Variants in VPREB3 observed in about 807,000 individuals in gnomAD.
VPREB3 encodes the protein pre-B lymphocyte protein 3.
In VPREB3, 14 loss-of-function variants were observed where a neutral mutation model predicts 12.9. The ratio of observed to expected loss-of-function variants is 1.09; its 90% CI spans 0.72 to 1.70. The LOEUF is 1.70. VPREB3 is among the 40% of genes most tolerant of loss of function. VPREB3 has a pLI of 0.00. For missense variants in VPREB3, 165 were observed against 159.6 expected (o/e 1.03, Z -0.18); for synonymous variants, 78 against 70.1 (o/e 1.11, Z -0.56).
chr22:23,752,952 A>G lies in VPREB3; in HGVS notation c.296T>C (p.Val99Ala). ...AAKDEAHNAC[V>A]LTISPVQPED... is the part of the protein sequence containing the mutation. ...AGGCTGCACGGGACTAATGGTGAGG[A>G]CACAGGCATTGTGGGCCTCATCCTT... The change falls in exon 2 of 2, where the codon GTC becomes GCC. Residue 99 changes from valine (V) to alanine (A), a missense_variant. Val to Ala is a moderately conservative substitution (Grantham distance 64). Transcript: ENST00000248948. The G allele has an allele frequency of 2.5e-6, 4 of 1,614,106 alleles. No homozygotes were observed. The highest frequency in any genetic ancestry group is 3.4e-6 in the Non-Finnish European group (4 of 1,180,006).
chr22:23,754,287 A>T, intron 1 of VPREB3, 28 bp downstream of exon 1: 1 of 1,583,662 alleles, frequency 6.3e-7, no homozygotes. Flanking sequence ...CCCCACACCC[A>T]GGTGACTGAG....
Position 23,752,825 on chromosome 22 carries a change from C to G in VPREB3, c.*51G>C, listed in dbSNP as rs754851714. The G allele has an allele frequency of 3.2e-5, 50 of 1,559,182 alleles. No homozygotes were observed. The highest frequency in any genetic ancestry group is 2.5e-5 in the Non-Finnish European group (29 of 1,144,350). The stretch of plus-strand genomic sequence containing the variant: ...AGAAAGTTTAAAAGGGACCCAAGGT[C>G]AGGGGCAGAAATGGGAGGCAGAGGG... On this transcript the variant is annotated 3_prime_UTR_variant, in exon 2 of 2. Transcript: ENST00000248948.
chr22:23,752,935 C>G lies in VPREB3; in HGVS notation c.313G>C (p.Val105Leu), dbSNP rs141816057. Residue 105 changes from valine to leucine, a missense_variant, in exon 2 of 2, where the codon GTG becomes CTG. Physicochemically the swap from Val to Leu is conservative, Grantham distance 32. Coordinates refer to ENST00000248948, the MANE Select transcript of VPREB3 (RefSeq NM_013378.3). The stretch of plus-strand genomic sequence containing the variant: ...TAATCCGCGTCGTCTTCAGGCTGCA[C>G]GGGACTAATGGTGAGGACACAGGCA... ...HNACVLTISP[V>L]QPEDDADYYC... 1.9e-6 allele frequency: 3 copies of G among 1,614,116 alleles called. No individual in the cohort carries two copies. The South Asian group carries it at 3.3e-5, about 18-fold the overall frequency.
chr22:23,754,090 G>A (rs1332274555), intron 1 of VPREB3, among the ~76,000 whole-genome samples: 3 of 151,878 alleles, frequency 2.0e-5, no homozygotes, highest in Non-Finnish European at 4.4e-5. Context: ...CGCTGAGGCA[G>A]AAGAATCGCT....
chr22:23,754,405 C>A lies in VPREB3; in HGVS notation c.-42G>T. On this transcript the variant is annotated 5_prime_UTR_variant, in exon 1 of 2. Coordinates refer to ENST00000248948, the MANE Select transcript of VPREB3 (RefSeq NM_013378.3). ...GCAGGCAAGTAGAAGTTCTGCAAGG[C>A]TATATGCTCCAGGTGCTTTGGGGCA... 1.3e-6 allele frequency: 2 copies of A among 1,586,064 alleles called. No homozygotes were observed. The highest frequency in any genetic ancestry group is 1.7e-6 in the Non-Finnish European group (2 of 1,165,168).
At position 23,754,328 on chromosome 22, in the gene VPREB3, C is replaced by A; in HGVS notation, c.36G>T (p.Gly12=). 1.2e-6 allele frequency: 2 copies of A among 1,607,858 alleles called. No homozygotes were observed. Among genetic ancestry groups the A allele is most frequent in the South Asian group, 1.1e-5 (1 of 89,444 alleles). The change falls in exon 1 of 2, where the codon GGG becomes GGT. Residue 12 remains glycine (G), a synonymous_variant. Transcript: ENST00000248948. Reference sequence around the variant, plus strand: ...GGAAAGATTCACCTGACAGGAAGGTCCCCATCAGAAGGAAGCTGAGGCACC... The same window carrying A: ...GGAAAGATTCACCTGACAGGAAGGTACCCATCAGAAGGAAGCTGAGGCACC... ...ACRCLSFLLM[G]TFLSVSQTVL... is the part of the protein sequence containing the mutation.
Position 23,752,989 on chromosome 22 carries a change from A to G in VPREB3, c.259T>C (p.Phe87Leu). 1 of 1,614,146 alleles carries G rather than the reference A, an allele frequency of 6.2e-7. No homozygotes were observed. The highest frequency in any genetic ancestry group is 8.5e-7 in the Non-Finnish European group (1 of 1,180,016). The change falls in exon 2 of 2, where the codon TTC (phenylalanine) becomes CTC (leucine). Residue 87 changes from phenylalanine (F) to leucine (L), a missense_variant. Physicochemically the swap from Phe to Leu is conservative, Grantham distance 22 (BLOSUM62 0). Transcript: ENST00000248948. ...TGGGCCTCATCCTTGGCTGCCGAGA[A>G]TCGATCGGGGATGTCAGCAGGCCGG... Reference protein sequence around the residue: ...HHRPADIPDRFSAAKDEAHNA... With the variant: ...HHRPADIPDRLSAAKDEAHNA...
chr22:23,753,696 C>T (rs969484522), intron 1 of VPREB3, among the ~76,000 whole-genome samples: 6 of 152,210 alleles, frequency 3.9e-5, no homozygotes, highest in Non-Finnish European at 7.3e-5. Context: ...GGTTAGATTG[C>T]CTCAGGCCCT....
chr22:23,754,263 A>G, intron 1 of VPREB3, 52 bp downstream of exon 1: 1 of 1,557,638 alleles, frequency 6.4e-7, no homozygotes, highest in South Asian at 1.2e-5. Flanking sequence ...TTCTGGGGCC[A>G]GTACTGTTCC....
chr22:23,752,900 A>G lies in VPREB3; in HGVS notation c.348T>C (p.Ser116=), dbSNP rs987556696. Residue 116 remains serine, a synonymous_variant, in exon 2 of 2, where the codon TCT becomes TCC. Transcript: ENST00000248948. ...QPEDDADYYC[S]VGYGFSP ...CCTAGGGACTAAAGCCGTAGCCAAC[A>G]GAGCAGTAGTAATCCGCGTCGTCTT... 2 of 1,613,320 alleles carry G rather than the reference A, an allele frequency of 1.2e-6. No individual in the cohort carries two copies. Among genetic ancestry groups the G allele is most frequent in the East Asian group, 4.5e-5 (2 of 44,850 alleles).
At chr22:23,754,234 T>C (rs1601326561) in intron 1 of VPREB3, 81 bp downstream of exon 1, 12 of 1,470,320 alleles carry the variant, frequency 8.2e-6, no homozygotes, top group Non-Finnish European at 1.1e-5. Flanking sequence ...CCCCATCGAT[T>C]TGCCTCCTTG....
intron 1 of VPREB3, 120 bp from the exon 2 acceptor site, chr22:23,753,318 A>G (rs1309209037): frequency 2.8e-6 from 3 of 1,061,644 alleles, no homozygotes; most frequent in Non-Finnish European, 4.0e-6. Flanking sequence ...GTGCTATGGG[A>G]TTAGCAATGA....
At chr22:23,753,259 C>T in intron 1 of VPREB3, 61 bp from the exon 2 acceptor site, 1 of 1,477,114 alleles carries the variant, frequency 6.8e-7, no homozygotes, top group South Asian at 1.3e-5. Flanking sequence ...CCTGTGAAGG[C>T]TTGGTTGGAC....
intron 1 of VPREB3, 116 bp from the exon 2 acceptor site, chr22:23,753,314 T>C (rs1601326140): frequency 8.9e-7 from 1 of 1,122,682 alleles, no homozygotes; most frequent in East Asian, 2.6e-5. Flanking sequence ...CCCAGTGCTA[T>C]GGGATTAGCA....
At chr22:23,753,322 G>C in intron 1 of VPREB3, 124 bp from the exon 2 acceptor site, 1 of 1,034,100 alleles carries the variant, frequency 9.7e-7, no homozygotes, top group Non-Finnish European at 1.4e-6. Context: ...TATGGGATTA[G>C]CAATGAACGG....
chr22:23,752,835 A>C lies in VPREB3; in HGVS notation c.*41T>G, dbSNP rs1257043736. On this transcript the variant is annotated 3_prime_UTR_variant, in exon 2 of 2. Transcript: ENST00000248948. ...AAAGGGACCCAAGGTCAGGGGCAGA[A>C]ATGGGAGGCAGAGGGGAGGCACCCA... is the stretch of plus-strand genomic sequence containing the variant. 6.4e-7 allele frequency: 1 copy of C among 1,573,638 alleles called. No homozygotes were observed. Among genetic ancestry groups the C allele is most frequent in the South Asian group, 1.2e-5 (1 of 85,672 alleles).
rs974968792 is a variant in VPREB3, at chr22:23,752,876, C to T, written c.372G>A (p.Ter124=). 9.3e-6 allele frequency: 15 copies of T among 1,607,268 alleles called. No homozygotes were observed. The highest frequency in any genetic ancestry group is 1.3e-5 in the Non-Finnish European group (15 of 1,174,922). ...YCSVGYGFSP[*] ...GAGGCACCCATCTCACACCCCACCCCTAGGGACTAAAGCCGTAGCCAACAG... is the reference window on the plus strand; with the variant it reads ...GAGGCACCCATCTCACACCCCACCCTTAGGGACTAAAGCCGTAGCCAACAG... The change falls in exon 2 of 2, where the codon TAG becomes TAA. Residue 124 remains the stop codon, a stop_retained_variant. Coordinates refer to ENST00000248948, the MANE Select transcript of VPREB3 (RefSeq NM_013378.3).
At chr22:23,753,556 C>T (rs1397282656) in intron 1 of VPREB3, among the ~76,000 whole-genome samples, 1 of 152,178 alleles carries the variant, frequency 6.6e-6, no homozygotes, top group Non-Finnish European at 1.5e-5. Flanking sequence ...CCCTCTCCCC[C>T]ACTTCCCCGC....
At position 23,754,193 on chromosome 22, in the gene VPREB3, AAAAT is replaced by A. The variant is rs1925443465; in HGVS notation, c.49+118_49+121del. On this transcript the variant is annotated intron_variant, in intron 1 of 1. Coordinates refer to ENST00000248948, the MANE Select transcript of VPREB3 (RefSeq NM_013378.3). ...GCAAAACTCCGTCTCAAAAAAAAAA[AAAAT>A]ACCCCTCCCAGGACCTGCCCTACTG... 4 of 1,067,408 alleles carry A rather than the reference AAAAT, an allele frequency of 3.7e-6. No individual in the cohort carries two copies. In the African/African-American group the frequency reaches 6.6e-5, roughly 18 times the overall value. 66.1% of individuals were successfully genotyped at this position (1,067,408 alleles called of 1,614,324 possible).
Sources: gnomAD v4.1 joint callset for allele counts (sites outside exome capture counted in the v4.1 genomes callset) on GRCh38, gnomAD v4.1.1 for gene constraint, MANE v1.5 for transcripts, NCBI Gene and HGNC (gene_info 2026-07-23, HGNC 2026-07-21) for gene names.